The following USP48 variants were observed in gnomAD, a reference collection of about 807,000 sequenced individuals.
The protein encoded by USP48 is ubiquitin carboxyl-terminal hydrolase 48.
Under a neutral mutation model 150.7 loss-of-function variants are expected in USP48, and 43 were observed. That is an observed-to-expected ratio of 0.29 (90% CI 0.22 to 0.37). The LOEUF is 0.37. Ranked by LOEUF, USP48 falls within the 10% of genes least tolerant of loss-of-function variation. The probability of loss-of-function intolerance (pLI) is 1.00; values close to 1 mark genes in which losing one functional copy is unlikely to be tolerated. For missense variants in USP48, 813 were observed against 1,249.6 expected, an observed-to-expected ratio of 0.65 and a Z score of 5.27; for synonymous variants, 396 against 425.9, an observed-to-expected ratio of 0.93 and a Z score of 0.86.
intron 9 of USP48, among the ~76,000 whole-genome samples, chr1:21,730,767 CTT>C (rs202206884): frequency 6.3e-5 from 9 of 143,276 alleles, no homozygotes; most frequent in Non-Finnish European, 6.1e-5. Flanking sequence ...TATTTTTATT[CTT>C]TTTTTTTTTT....
At chr1:21,692,625 A>G (rs1207224988) in intron 23 of USP48, among the ~76,000 whole-genome samples, 1 of 152,166 alleles carries the variant, frequency 6.6e-6, no homozygotes, top group Non-Finnish European at 1.5e-5. Flanking sequence ...ATTTAATAAG[A>G]AGCTACCGTG....
At chr1:21,749,769 A>AT in intron 6 of USP48, among the ~76,000 whole-genome samples, 1 of 151,886 alleles carries the variant, frequency 6.6e-6, no homozygotes, top group African/African-American at 2.4e-5. Flanking sequence ...AGCCTGGTTA[A>AT]TTTTTTTATT....
At chr1:21,688,359 C>T (rs2097585333) in intron 24 of USP48, among the ~76,000 whole-genome samples, 1 of 151,952 alleles carries the variant, frequency 6.6e-6, no homozygotes, top group Non-Finnish European at 1.5e-5. Flanking sequence ...GCTGGGATCA[C>T]AGGTGCCCAC....
rs199554401 is a variant in USP48 at position 21,724,121 on chromosome 1, C to G, written c.1451-26G>C. On this transcript the variant is annotated intron_variant, in intron 11 of 26. Coordinates refer to ENST00000308271, the MANE Select transcript of USP48 (RefSeq NM_032236.8). The stretch of plus-strand genomic sequence containing the variant: ...CTGAGAAAGCAAGCATCGGAAAGAG[C>G]CTATGTATTTTTACAGTTTTTTGAC... 5 of 1,608,520 alleles carry G rather than the reference C, an allele frequency of 3.1e-6. No homozygotes were observed. In the African/African-American group the frequency reaches 5.3e-5, roughly 17 times the overall value.
chr1:21,777,423 T>C (rs2097902558), intron 1 of USP48, among the ~76,000 whole-genome samples: 1 of 151,878 alleles, frequency 6.6e-6, no homozygotes, highest in East Asian at 1.9e-4. Flanking sequence ...ATCCCAGTAC[T>C]CTGGGAAGCT....
chr1:21,704,492 T>C (rs1265061169), intron 19 of USP48, 100 bp from the exon 20 acceptor site: 17 of 1,287,490 alleles, frequency 1.3e-5, no homozygotes, highest in Non-Finnish European at 1.8e-5. Context: ...AACACTAACA[T>C]TTAATCCAAA....
At chr1:21,679,503 A>G (rs1571648610) in intron 26 of USP48, 64 bp from the exon 27 acceptor site, 1 of 1,584,752 alleles carries the variant, frequency 6.3e-7, no homozygotes, top group East Asian at 2.2e-5. Context: ...CATGGATTCC[A>G]TTTACCAAGA....
intron 1 of USP48, among the ~76,000 whole-genome samples, chr1:21,769,462 G>C (rs980774286): frequency 2.0e-5 from 3 of 151,896 alleles, no homozygotes; most frequent in African/African-American, 7.3e-5. Flanking sequence ...ACCCAGGCTA[G>C]AGTACAGTGC....
At chr1:21,708,865 A>G (rs929070403) in intron 15 of USP48, among the ~76,000 whole-genome samples, 2 of 140,920 alleles carry the variant, frequency 1.4e-5, no homozygotes, top group Non-Finnish European at 3.1e-5. Flanking sequence ...AGCCTGGGTG[A>G]CAGAGCAAGA....
rs373207252 is a variant in USP48, at chr1:21,695,104, C to T, written c.2845G>A (p.Val949Ile). The change falls in exon 23 of 27, where the codon GTT (valine) becomes ATT (isoleucine). Residue 949 changes from valine to isoleucine, a missense_variant. Coordinates refer to ENST00000308271, the MANE Select transcript of USP48 (RefSeq NM_032236.8). ...TCTTTTAACGTCTGATTAGCAGAAA[C>T]GAGAAGTGCTTTCTCACCACGAACT... ...RKVRGEKALL[V>I]SANQTLKELK... 8.7e-6 allele frequency: 14 copies of T among 1,613,096 alleles called. No individual in the cohort carries two copies. The highest frequency in any genetic ancestry group is 2.2e-5 in the South Asian group (2 of 90,788).
At chr1:21,770,593 T>C (rs375495697) in intron 1 of USP48, among the ~76,000 whole-genome samples, 1 of 150,592 alleles carries the variant, frequency 6.6e-6, no homozygotes, top group South Asian at 2.1e-4. Flanking sequence ...GCGATTCTCC[T>C]GCCTCAGCCT....
chr1:21,758,148 T>C (rs918921111), intron 1 of USP48, among the ~76,000 whole-genome samples: 3 of 149,852 alleles, frequency 2.0e-5, no homozygotes, highest in Non-Finnish European at 3.0e-5. Flanking sequence ...ATAGACAATA[T>C]GGTACATCTA....
intron 9 of USP48, among the ~76,000 whole-genome samples, chr1:21,733,681 AG>A (rs2097762292): frequency 6.6e-6 from 1 of 152,242 alleles, no homozygotes; most frequent in Non-Finnish European, 1.5e-5. Flanking sequence ...CCCATATATA[AG>A]ACAGCCTTAA....
At position 21,723,391 on chromosome 1, in the gene USP48, G is replaced by A. The variant is rs925886089; in HGVS notation, c.1648+507C>T. ...AAAAATTAGCTGGGCATGGTGGTGC[G>A]CACCTGTAATCTCAGCTACTCGGGA... is the stretch of plus-strand genomic sequence containing the variant. On this transcript the variant is annotated intron_variant, in intron 12 of 26. Coordinates refer to ENST00000308271, the MANE Select transcript of USP48 (RefSeq NM_032236.8). 1.1e-4 allele frequency among the ~76,000 whole-genome samples: 17 copies of A among 151,934 alleles called. 1 individual carries two copies. The highest frequency in any genetic ancestry group is 2.6e-4 in the Admixed American group (4 of 15,254).
At chr1:21,730,712 G>A (rs1028639298) in intron 9 of USP48, among the ~76,000 whole-genome samples, 2 of 151,066 alleles carry the variant, frequency 1.3e-5, no homozygotes, top group African/African-American at 2.4e-5. Context: ...AATCAAGACT[G>A]ATGCAATCAC....
intron 8 of USP48, among the ~76,000 whole-genome samples, chr1:21,742,578 AAAAAGAAAAG>A (rs201552575): frequency 6.0e-5 from 9 of 149,364 alleles, no homozygotes; most frequent in South Asian, 2.1e-4. Context: ...AAAGAAAAAG[AAAAAGAAAAG>A]AAAAGAAAAG....
intron 15 of USP48, among the ~76,000 whole-genome samples, chr1:21,714,624 C>T (rs929226466): frequency 6.6e-6 from 1 of 152,144 alleles, no homozygotes; most frequent in African/African-American, 2.4e-5. Flanking sequence ...GAAACAGACA[C>T]CTGCTTGACT....
intron 1 of USP48, among the ~76,000 whole-genome samples, chr1:21,759,479 T>A (rs766770030): frequency 6.6e-6 from 1 of 152,134 alleles, no homozygotes; most frequent in Non-Finnish European, 1.5e-5. Context: ...TTCTAAATAT[T>A]ACCCACTAAA....
Position 21,751,570 on chromosome 1 carries a change from A to G in USP48, c.711T>C (p.Tyr237=). ...GRESKLLSKF[Y]ELELNIQGHK... ...GGCCTTGGATATTTAACTCCAGCTC[A>G]TAAAATTTTGACAAAAGCTTAGACT... is the stretch of plus-strand genomic sequence containing the variant. The change falls in exon 6 of 27, where the codon TAT becomes TAC. Residue 237 remains tyrosine (Y), a synonymous_variant. Transcript: ENST00000308271. 1 of 1,614,058 alleles carries G rather than the reference A, an allele frequency of 6.2e-7. No individual in the cohort carries two copies. Among genetic ancestry groups the G allele is most frequent in the Non-Finnish European group, 8.5e-7 (1 of 1,180,000 alleles).
Sources: gnomAD v4.1 joint callset for allele counts (sites outside exome capture counted in the v4.1 genomes callset) on GRCh38, gnomAD v4.1.1 for gene constraint, MANE v1.5 for transcripts, NCBI Gene and HGNC (gene_info 2026-07-23, HGNC 2026-07-21) for gene names.